DPY19L4: variants seen among roughly 807,000 people sequenced by gnomAD.
The protein encoded by DPY19L4 is probable C-mannosyltransferase DPY19L4.
Under a neutral mutation model 102.8 loss-of-function variants are expected in DPY19L4, and 97 were observed. The observed-to-expected ratio is 0.94, with a 90% confidence interval of 0.80 to 1.12. The LOEUF (loss-of-function observed/expected upper bound fraction) is 1.12. DPY19L4 is among the 50% of genes most tolerant of loss of function. The pLI, the probability that DPY19L4 is intolerant of heterozygous loss-of-function variation, is 0.00. For synonymous variants in DPY19L4, 252 were observed against 283.1 expected (o/e 0.89, Z 1.10); for missense variants, 815 against 850.4 (o/e 0.96, Z 0.52).
At chr8:94,759,467 C>T (rs1812307592) in intron 7 of DPY19L4, among the ~76,000 whole-genome samples, 1 of 148,546 alleles carries the variant, frequency 6.7e-6, no homozygotes, top group South Asian at 2.1e-4. Context: ...GCTGAGATTA[C>T]TGGTGTGAGC....
At position 94,738,695 on chromosome 8, in the gene DPY19L4, G is replaced by A. The variant is rs565062622; in HGVS notation, c.343+236G>A. ...TGCCCGGCTAATTTTTGTATACTTAGTAGAGACGGGGTTTCACCATGTTGG... is the reference window on the plus strand; with the variant it reads ...TGCCCGGCTAATTTTTGTATACTTAATAGAGACGGGGTTTCACCATGTTGG... On this transcript the variant is annotated intron_variant, in intron 4 of 18. Transcript: ENST00000414645. 1.3e-4 allele frequency among the ~76,000 whole-genome samples: 19 copies of A among 151,686 alleles called. No homozygotes were observed. The East Asian group carries it at 3.7e-3, about 30-fold the overall frequency.
In DPY19L4 at chr8:94,791,774, A is replaced by G. The variant is rs1446774113; in HGVS notation, c.*1864A>G. The G allele has an allele frequency of 1.3e-5, 2 of 152,146 alleles. No individual in the cohort carries two copies. The highest frequency in any genetic ancestry group is 6.5e-5 in the Admixed American group (1 of 15,276). 9.4% of individuals were successfully genotyped at this position (152,146 alleles called of 1,614,324 possible). On this transcript the variant is annotated 3_prime_UTR_variant, in exon 19 of 19. Coordinates refer to ENST00000414645, the MANE Select transcript of DPY19L4 (RefSeq NM_181787.3). ...GTTTGGTACTTGTGTTTTGTTTGAC[A>G]TATTAGTAAGTTGCTTTTGCTTCTT... is the stretch of plus-strand genomic sequence containing the variant.
At chr8:94,784,641 G>C (rs1171308126) in intron 17 of DPY19L4, among the ~76,000 whole-genome samples, 1 of 152,122 alleles carries the variant, frequency 6.6e-6, no homozygotes, top group East Asian at 1.9e-4. Flanking sequence ...TGTTGATCAG[G>C]CTGGTGGCAA....
At chr8:94,731,677 A>G (rs905687368) in intron 2 of DPY19L4, among the ~76,000 whole-genome samples, 10 of 152,130 alleles carry the variant, frequency 6.6e-5, no homozygotes, top group African/African-American at 2.4e-4. Context: ...CAGTCTCCCA[A>G]AAAGCTGGGA....
At chr8:94,786,336 G>A (rs1163873501) in intron 17 of DPY19L4, among the ~76,000 whole-genome samples, 1 of 151,998 alleles carries the variant, frequency 6.6e-6, no homozygotes, top group Admixed American at 6.6e-5. Context: ...TGTTGCCCAG[G>A]CTGGTCTTGA....
intron 13 of DPY19L4, among the ~76,000 whole-genome samples, chr8:94,776,970 A>C (rs1237494936): frequency 6.6e-6 from 1 of 151,908 alleles, no homozygotes; most frequent in East Asian, 1.9e-4. Flanking sequence ...CTTCAAAAAA[A>C]AAAAAAAAAC....
chr8:94,734,509 C>A, intron 2 of DPY19L4, 121 bp from the exon 3 acceptor site: 1 of 989,312 alleles, frequency 1.0e-6, no homozygotes. Context: ...ATGCTTTTCT[C>A]ACAATTAGAC....
chr8:94,779,616 C>T (rs185152407), intron 14 of DPY19L4, among the ~76,000 whole-genome samples: 4 of 152,154 alleles, frequency 2.6e-5, no homozygotes, highest in Admixed American at 6.6e-5. Context: ...TGTGAGCTAC[C>T]GCACCCAGCC....
chr8:94,787,303 G>A (rs569916385), intron 17 of DPY19L4, among the ~76,000 whole-genome samples: 3 of 152,196 alleles, frequency 2.0e-5, no homozygotes, highest in South Asian at 4.1e-4. Context: ...CCACTGAAAC[G>A]TATTTAGTGT....
chr8:94,747,782 G>C (rs146585902), intron 6 of DPY19L4, among the ~76,000 whole-genome samples: 1 of 151,842 alleles, frequency 6.6e-6, no homozygotes, highest in Non-Finnish European at 1.5e-5. Flanking sequence ...GGATGGTCTC[G>C]ATCTCCTGAC....
chr8:94,754,547 T>C (rs1168774470), intron 6 of DPY19L4, among the ~76,000 whole-genome samples: 1 of 152,192 alleles, frequency 6.6e-6, no homozygotes, highest in Non-Finnish European at 1.5e-5. Context: ...CAAGTTAACA[T>C]GCAAGTATGT....
chr8:94,739,208 T>C (rs575951409), intron 4 of DPY19L4, among the ~76,000 whole-genome samples: 1 of 152,292 alleles, frequency 6.6e-6, no homozygotes, highest in African/African-American at 2.4e-5. Flanking sequence ...TTCTGCTATA[T>C]TGGGACCTTT....
intron 7 of DPY19L4, among the ~76,000 whole-genome samples, chr8:94,757,629 C>T (rs1286337738): frequency 3.3e-5 from 5 of 151,946 alleles, no homozygotes; most frequent in African/African-American, 4.8e-5. Context: ...AGTCTGGCCT[C>T]GAACTCCTGA....
At chr8:94,780,297 T>C (rs1813371598) in intron 14 of DPY19L4, 62 bp from the exon 15 acceptor site, 2 of 1,256,136 alleles carry the variant, frequency 1.6e-6, no homozygotes, top group African/African-American at 1.5e-5. Flanking sequence ...TCAGTGTCTA[T>C]TACCTCTAAC....
Position 94,790,264 on chromosome 8 carries a change from A to G in DPY19L4, c.*354A>G, listed in dbSNP as rs1251836510. 6.4e-6 allele frequency: 1 copy of G among 156,572 alleles called. No homozygotes were observed. The highest frequency in any genetic ancestry group is 1.4e-5 in the Non-Finnish European group (1 of 70,834). The allele number at this position is 156,572 out of a possible 1,614,324, so 9.7% of individuals were successfully genotyped here. On this transcript the variant is annotated 3_prime_UTR_variant, in exon 19 of 19. Coordinates refer to ENST00000414645, the MANE Select transcript of DPY19L4 (RefSeq NM_181787.3). ...GCAAGGTCAGATACATTTCTCAAAC[A>G]TAACATTTAATAAATAATGTGATAT...
intron 15 of DPY19L4, 41 bp downstream of exon 15, chr8:94,780,456 T>G (rs749609076): frequency 5.6e-6 from 7 of 1,260,436 alleles, no homozygotes. Flanking sequence ...ATGTACTTTA[T>G]CTACAAAGGT....
chr8:94,776,024 A>ATT (rs1813161246), intron 13 of DPY19L4, among the ~76,000 whole-genome samples: 1 of 134,236 alleles, frequency 7.4e-6, no homozygotes, highest in African/African-American at 2.8e-5. Context: ...CAATTTTTAA[A>ATT]TCTTTTTTTT....
chr8:94,727,687 A>C (rs757089910), intron 2 of DPY19L4, among the ~76,000 whole-genome samples: 38 of 152,184 alleles, frequency 2.5e-4, no homozygotes, highest in Admixed American at 7.2e-4. Context: ...TCAGCATCAA[A>C]TTGTGACATT....
rs200949180 is a variant in DPY19L4, at chr8:94,756,049, A to C, written c.625A>C (p.Arg209=). ...WFVINRVDTT[R]IEYSIPLREN... The stretch of plus-strand genomic sequence containing the variant: ...GGTTTATTTTAGGGTAGATACAACA[A>C]GAATTGAATACTCCATTCCTTTAAG... Residue 209 remains arginine, a synonymous_variant, in exon 7 of 19, where the codon AGA becomes CGA. Coordinates refer to ENST00000414645, the MANE Select transcript of DPY19L4 (RefSeq NM_181787.3). 7 of 1,610,512 alleles carry C rather than the reference A, an allele frequency of 4.3e-6. No individual in the cohort carries two copies. In the African/African-American group the frequency reaches 9.3e-5, roughly 22 times the overall value.
Sources: gnomAD v4.1 joint callset for allele counts (sites outside exome capture counted in the v4.1 genomes callset) on GRCh38, gnomAD v4.1.1 for gene constraint, MANE v1.5 for transcripts, NCBI Gene and HGNC (gene_info 2026-07-23, HGNC 2026-07-21) for gene names.